Variants in XPR1 observed in about 807,000 individuals in gnomAD.
XPR1 encodes xenotropic and polytropic retrovirus receptor 1.
A neutral mutation model predicts 87.5 loss-of-function variants in XPR1; 28 were observed. That is an observed-to-expected ratio of 0.32 (90% CI 0.24 to 0.44). The LOEUF (loss-of-function observed/expected upper bound fraction) is 0.44. Ranked by LOEUF, XPR1 falls within the 20% of genes least tolerant of loss-of-function variation. The pLI, the probability that XPR1 is intolerant of heterozygous loss-of-function variation, is 1.00. For missense variants in XPR1, 559 were observed against 862.3 expected (o/e 0.65, Z 4.41); for synonymous variants, 300 against 306.1 (o/e 0.98, Z 0.21).
intron 2 of XPR1, among the ~76,000 whole-genome samples, chr1:180,696,448 T>A (rs1466514212): frequency 2.0e-5 from 3 of 151,974 alleles, no homozygotes; most frequent in Non-Finnish European, 4.4e-5. Context: ...CCAATTTGGG[T>A]TCCTTTTTAT....
intron 9 of XPR1, among the ~76,000 whole-genome samples, chr1:180,830,740 T>C (rs1229866577): frequency 6.6e-6 from 1 of 152,230 alleles, no homozygotes; most frequent in East Asian, 1.9e-4. Context: ...TCATCCCATC[T>C]TCACTTCACA....
At chr1:180,721,825 T>C (rs1658188210) in intron 2 of XPR1, among the ~76,000 whole-genome samples, 1 of 152,240 alleles carries the variant, frequency 6.6e-6, no homozygotes, top group Non-Finnish European at 1.5e-5. Context: ...CTTACGACTT[T>C]CTTTTCTCTA....
intron 2 of XPR1, among the ~76,000 whole-genome samples, chr1:180,754,846 C>T (rs966325859): frequency 6.6e-6 from 1 of 151,746 alleles, no homozygotes; most frequent in Non-Finnish European, 1.5e-5. Context: ...TTTAAAAAGT[C>T]TTTTGTCCCC....
chr1:180,744,654 C>CTTTTTTTCTTT (rs1659025913), intron 2 of XPR1, among the ~76,000 whole-genome samples: 1 of 102,396 alleles, frequency 9.8e-6, no homozygotes. Flanking sequence ...CAATTTCTTT[C>CTTTTTTTCTTT]TTTTTTTTTT....
At chr1:180,803,336 G>C in intron 3 of XPR1, 52 bp from the exon 4 acceptor site, 1 of 1,532,026 alleles carries the variant, frequency 6.5e-7, no homozygotes. Context: ...TCAGAAGTCA[G>C]TAGGAACTTT....
chr1:180,802,930 G>A (rs1164008184), intron 3 of XPR1, among the ~76,000 whole-genome samples: 1 of 152,036 alleles, frequency 6.6e-6, no homozygotes, highest in Non-Finnish European at 1.5e-5. Context: ...TTGTTTATTT[G>A]TTCCTCAATT....
At chr1:180,849,809 TAGAG>T (rs1308553682) in intron 11 of XPR1, among the ~76,000 whole-genome samples, 1 of 152,082 alleles carries the variant, frequency 6.6e-6, no homozygotes, top group African/African-American at 2.4e-5. Flanking sequence ...TAAGTTTTCA[TAGAG>T]AGGAATGAGA....
In XPR1 at chr1:180,632,191, G is replaced by A. The variant is rs767960347; in HGVS notation, c.-11G>A. 1.2e-6 allele frequency: 2 copies of A among 1,604,246 alleles called. No homozygotes were observed. The highest frequency in any genetic ancestry group is 1.3e-5 in the African/African-American group (1 of 74,674). ...GCTGGACCCGAGTGGGAGTGAGGGG[G>A]AAACGGCAGGATGAAGTTCGCCGAG... On this transcript the variant is annotated 5_prime_UTR_variant, in exon 1 of 15. Coordinates refer to ENST00000367590, the MANE Select transcript of XPR1 (RefSeq NM_004736.4).
At chr1:180,656,325 T>TTA (rs922777974) in intron 1 of XPR1, among the ~76,000 whole-genome samples, 1 of 119,718 alleles carries the variant, frequency 8.4e-6, no homozygotes, top group African/African-American at 3.3e-5. Context: ...TATATAATAT[T>TTA]TATATATATA....
At chr1:180,660,156 A>G (rs1027289281) in intron 1 of XPR1, among the ~76,000 whole-genome samples, 2 of 152,146 alleles carry the variant, frequency 1.3e-5, no homozygotes, top group African/African-American at 2.4e-5. Flanking sequence ...ACTGGCATAT[A>G]GTTGCTCATA....
intron 3 of XPR1, among the ~76,000 whole-genome samples, chr1:180,789,003 C>T (rs572147668): frequency 1.3e-5 from 2 of 152,246 alleles, no homozygotes; most frequent in African/African-American, 4.8e-5. Flanking sequence ...CAACTAGAGG[C>T]TGATCATTCT....
intron 4 of XPR1, 38 bp from the exon 5 acceptor site, chr1:180,806,024 G>A (rs369308287): frequency 1.2e-5 from 19 of 1,596,754 alleles, no homozygotes; most frequent in Non-Finnish European, 1.4e-5. Context: ...TTTGATGGTA[G>A]TAGAAATTAT....
intron 2 of XPR1, among the ~76,000 whole-genome samples, chr1:180,732,632 T>C (rs185218225): frequency 2.0e-5 from 3 of 152,344 alleles, no homozygotes; most frequent in Admixed American, 2.0e-4. Context: ...AGCGTACAGA[T>C]GGTCACGTTG....
At chr1:180,853,791 G>GTTTTTTTTTTTTTTTTTTTTTTTTT (rs374408714) in intron 11 of XPR1, among the ~76,000 whole-genome samples, 1 of 109,446 alleles carries the variant, frequency 9.1e-6, no homozygotes, top group Non-Finnish European at 1.8e-5. Flanking sequence ...CATTCATGTG[G>GTTTTTTTTTTTTTTTTTTTTTTTTT]TTTTTTTTTT....
At chr1:180,639,311 ATTGT>A (rs1263275103) in intron 1 of XPR1, among the ~76,000 whole-genome samples, 1 of 152,110 alleles carries the variant, frequency 6.6e-6, no homozygotes, top group East Asian at 1.9e-4. Flanking sequence ...CCCTTTAAAA[ATTGT>A]TTATTTGCTA....
chr1:180,855,063 G>A (rs1381106487), intron 11 of XPR1, among the ~76,000 whole-genome samples: 1 of 152,112 alleles, frequency 6.6e-6, no homozygotes, highest in Non-Finnish European at 1.5e-5. Context: ...CATGGTACAT[G>A]GGCCCTAGAA....
intron 2 of XPR1, among the ~76,000 whole-genome samples, chr1:180,711,341 C>A (rs141108807): frequency 7.1e-6 from 1 of 141,098 alleles, no homozygotes; most frequent in Non-Finnish European, 1.6e-5. Context: ...ACTGAGTGAA[C>A]GAGACTCCAT....
chr1:180,863,353 A>G (rs1338141838), intron 11 of XPR1, among the ~76,000 whole-genome samples: 2 of 152,144 alleles, frequency 1.3e-5, no homozygotes, highest in South Asian at 2.1e-4. Flanking sequence ...AATCTTTTTC[A>G]TATTTTGCAC....
chr1:180,842,874 T>C (rs1651563266), intron 11 of XPR1, among the ~76,000 whole-genome samples: 1 of 152,258 alleles, frequency 6.6e-6, no homozygotes, highest in Admixed American at 6.5e-5. Context: ...TATTTTACTT[T>C]AGACTTTTTG....
Sources: allele counts gnomAD v4.1 joint callset (sites outside exome capture counted in the v4.1 genomes callset), GRCh38; gene constraint gnomAD v4.1.1; transcripts MANE v1.5; gene names NCBI Gene and HGNC (gene_info 2026-07-23, HGNC 2026-07-21).